The following SPMIP4 variants were observed in gnomAD, a reference collection of about 807,000 sequenced individuals.
The protein encoded by SPMIP4 is sperm microtubule inner protein 4, also known as sperm-associated microtubule inner protein 4.
the SPMIP4 span, among the ~76,000 whole-genome samples, chr7:25,178,135 T>C: frequency 6.6e-6 from 1 of 152,230 alleles, no homozygotes; most frequent in African/African-American, 2.4e-5. Flanking sequence ...GCAAAGGACA[T>C]GATCTCGTTT....
At chr7:25,158,036 ACC>A in the SPMIP4 span, among the ~76,000 whole-genome samples, 1 of 152,212 alleles carries the variant, frequency 6.6e-6, no homozygotes, top group African/African-American at 2.4e-5. Flanking sequence ...AAGTAATGTT[ACC>A]CTGGACTTGT....
chr7:25,152,898 C>T, the SPMIP4 span, among the ~76,000 whole-genome samples: 1 of 152,060 alleles, frequency 6.6e-6, no homozygotes, highest in East Asian at 1.9e-4. Context: ...CATGCACCAC[C>T]AGGCCTGGCT....
the SPMIP4 span, among the ~76,000 whole-genome samples, chr7:25,168,841 T>A: frequency 4.2e-5 from 6 of 141,778 alleles, no homozygotes; most frequent in African/African-American, 1.7e-4. Context: ...TTCTCCCACC[T>A]CAGCCTCCCG....
the SPMIP4 span, chr7:25,155,255 T>G: frequency 1.4e-6 from 2 of 1,424,562 alleles, no homozygotes; most frequent in Non-Finnish European, 1.9e-6. Context: ...GTTGAAAAAA[T>G]TAATCATCAA....
At chr7:25,149,267 T>C in the SPMIP4 span, among the ~76,000 whole-genome samples, 1 of 150,262 alleles carries the variant, frequency 6.7e-6, no homozygotes, top group East Asian at 2.0e-4. Flanking sequence ...GAATAGAACA[T>C]TGTAGATAAA....
At chr7:25,176,588 ATTTAAAAAATGTTGAATATGATC>A in the SPMIP4 span, among the ~76,000 whole-genome samples, 1 of 152,236 alleles carries the variant, frequency 6.6e-6, no homozygotes, top group Non-Finnish European at 1.5e-5. The surrounding 1 kb of genome is among the most constrained non-coding windows in gnomAD (Gnocchi z 4.4). Flanking sequence ...ATAGCAATTG[ATTTAAAAAATGTTGAATATGATC>A]TTTACATTTA....
chr7:25,137,860 A>C, the SPMIP4 span, among the ~76,000 whole-genome samples: 1 of 152,184 alleles, frequency 6.6e-6, no homozygotes, highest in Non-Finnish European at 1.5e-5. Context: ...GATTACCCAT[A>C]ATATGGGGTA....
At chr7:25,144,261 G>C in the SPMIP4 span, among the ~76,000 whole-genome samples, 42 of 152,310 alleles carry the variant, frequency 2.8e-4, no homozygotes, top group Middle Eastern at 3.4e-3. Flanking sequence ...AATAAAATAT[G>C]TTCCTTTCAC....
the SPMIP4 span, among the ~76,000 whole-genome samples, chr7:25,159,811 A>T: frequency 6.6e-6 from 1 of 152,214 alleles, no homozygotes; most frequent in Non-Finnish European, 1.5e-5. Flanking sequence ...TGGGGGCACA[A>T]AGGGCAGGGA....
chr7:25,139,814 C>T, the SPMIP4 span, among the ~76,000 whole-genome samples: 2 of 152,282 alleles, frequency 1.3e-5, no homozygotes, highest in East Asian at 1.9e-4. Flanking sequence ...TTTTACACTA[C>T]TACAATAAAA....
the SPMIP4 span, among the ~76,000 whole-genome samples, chr7:25,166,077 A>G: frequency 6.6e-6 from 1 of 152,130 alleles, no homozygotes; most frequent in South Asian, 2.1e-4. Flanking sequence ...AGGTTGCAGG[A>G]GAGGTGTCCA....
chr7:25,149,696 G>T, the SPMIP4 span, among the ~76,000 whole-genome samples: 1 of 152,208 alleles, frequency 6.6e-6, no homozygotes. Context: ...ATGTGTGGCA[G>T]AAGTCAGATG....
the SPMIP4 span, among the ~76,000 whole-genome samples, chr7:25,171,960 A>G: frequency 4.6e-5 from 7 of 152,338 alleles, no homozygotes; most frequent in East Asian, 1.3e-3. Context: ...TTTGCAGGAC[A>G]AACAGGAATC....
chr7:25,155,048 T>C, the SPMIP4 span: 11 of 1,613,990 alleles, frequency 6.8e-6, no homozygotes, highest in African/African-American at 1.3e-5. Context: ...AAGCCTTGGT[T>C]GGCACCGTGG....
the SPMIP4 span, chr7:25,179,273 C>T: frequency 1.2e-6 from 2 of 1,613,328 alleles, no homozygotes; most frequent in Non-Finnish European, 1.7e-6. Context: ...CTTCAAGCTC[C>T]CTGCAACAGT....
the SPMIP4 span, among the ~76,000 whole-genome samples, chr7:25,154,076 G>A: frequency 2.6e-5 from 4 of 152,236 alleles, no homozygotes; most frequent in African/African-American, 9.6e-5. Context: ...AGGTGAGTAA[G>A]TGGCAGATCC....
the SPMIP4 span, among the ~76,000 whole-genome samples, chr7:25,178,131 G>C: frequency 0.16 from 23,743 of 152,178 alleles, 2,325 homozygotes; most frequent in African/African-American, 0.28. Flanking sequence ...TGCTGCAAAG[G>C]ACATGATCTC....
chr7:25,180,128 C>A, the SPMIP4 span: 2 of 151,816 alleles, frequency 1.3e-5, no homozygotes, highest in South Asian at 2.1e-4. Flanking sequence ...GGCGGGCAGG[C>A]CGGGGTGGGG....
the SPMIP4 span, among the ~76,000 whole-genome samples, chr7:25,143,437 G>A: frequency 6.6e-6 from 1 of 152,114 alleles, no homozygotes; most frequent in Non-Finnish European, 1.5e-5. Flanking sequence ...ACCTATATGT[G>A]CACAGTAGTG....
Sources: gnomAD v4.1 joint callset for allele counts (sites outside exome capture counted in the v4.1 genomes callset) on GRCh38, gnomAD v4.1.1 for gene constraint, Gnocchi (gnomAD v3.1) non-coding constraint, MANE v1.5 for transcripts, NCBI Gene and HGNC (gene_info 2026-07-23, HGNC 2026-07-21) for gene names.